Variants in HECW2 observed in about 807,000 individuals in gnomAD.
HECW2 encodes E3 ubiquitin-protein ligase HECW2.
HECW2 carries 61 observed loss-of-function variants against 175.2 expected under a neutral mutation model. The ratio of observed to expected loss-of-function variants is 0.35; its 90% CI spans 0.28 to 0.43. The LOEUF is 0.43. HECW2 is among the 20% of genes least tolerant of loss of function. HECW2 has a pLI of 1.00. For synonymous variants in HECW2, 671 were observed against 731.0 expected, an observed-to-expected ratio of 0.92 and a Z score of 1.32; for missense variants, 1,524 against 2,000.5, an observed-to-expected ratio of 0.76 and a Z score of 4.54.
chr2:196,517,949 G>T (rs1330668784), intron 1 of HECW2, among the ~76,000 whole-genome samples: 1 of 152,102 alleles, frequency 6.6e-6, no homozygotes, highest in Non-Finnish European at 1.5e-5. Context: ...AACCTCATGG[G>T]ATAATCCCTT....
chr2:196,540,637 G>T (rs1385330635), intron 1 of HECW2, among the ~76,000 whole-genome samples: 2 of 151,968 alleles, frequency 1.3e-5, no homozygotes, highest in Admixed American at 6.6e-5. Context: ...TAAAGACGGG[G>T]TCTCGCTATG....
intron 2 of HECW2, among the ~76,000 whole-genome samples, chr2:196,403,189 G>A (rs1694869664): frequency 6.6e-6 from 1 of 152,162 alleles, no homozygotes; most frequent in South Asian, 2.1e-4. Context: ...CATAGGCATA[G>A]AAAGAGCAAA....
intron 1 of HECW2, among the ~76,000 whole-genome samples, chr2:196,554,405 T>C (rs1207309909): frequency 6.6e-6 from 1 of 152,232 alleles, no homozygotes; most frequent in East Asian, 1.9e-4. Context: ...ATCGTATTGA[T>C]GTTTTCACAG....
chr2:196,406,087 C>G (rs951965076), intron 2 of HECW2, among the ~76,000 whole-genome samples: 3 of 152,162 alleles, frequency 2.0e-5, no homozygotes, highest in African/African-American at 7.2e-5. Flanking sequence ...GAACCCCTTC[C>G]TTTCTCTGTG....
chr2:196,201,452 GT>G (rs561575955), intron 28 of HECW2, 64 bp from the exon 29 acceptor site: 15,367 of 842,052 alleles, frequency 0.018, 17 homozygotes, highest in East Asian at 0.035. Context: ...TGTGTGTGGT[GT>G]GTGTGTGTGT....
At chr2:196,292,514 C>A in intron 14 of HECW2, 51 bp downstream of exon 14, 1 of 1,529,668 alleles carries the variant, frequency 6.5e-7, no homozygotes, top group Non-Finnish European at 9.0e-7. Context: ...GTCGAAGCCA[C>A]AAGCAGCCCA....
At chr2:196,257,199 A>T (rs1431526378) in intron 18 of HECW2, among the ~76,000 whole-genome samples, 1 of 152,014 alleles carries the variant, frequency 6.6e-6, no homozygotes, top group Non-Finnish European at 1.5e-5. Context: ...AAAATGAGAA[A>T]GTCTTTTGAA....
intron 13 of HECW2, among the ~76,000 whole-genome samples, chr2:196,301,504 A>G (rs1691051114): frequency 6.6e-6 from 1 of 152,034 alleles, no homozygotes; most frequent in Non-Finnish European, 1.5e-5. Flanking sequence ...AAAGTGCAGA[A>G]GCATTTCTTT....
intron 1 of HECW2, among the ~76,000 whole-genome samples, chr2:196,444,269 C>A (rs1008391804): frequency 7.9e-6 from 1 of 126,634 alleles, no homozygotes; most frequent in African/African-American, 2.7e-5. Context: ...TTTGTGGTGG[C>A]TGAAGCGCAT....
chr2:196,247,745 T>C (rs1006183593), intron 19 of HECW2, among the ~76,000 whole-genome samples: 3 of 152,142 alleles, frequency 2.0e-5, no homozygotes, highest in African/African-American at 4.8e-5. Flanking sequence ...ACACTAGAAA[T>C]AGCTTGGCAT....
At chr2:196,397,680 T>A (rs1694708848) in intron 2 of HECW2, among the ~76,000 whole-genome samples, 1 of 152,194 alleles carries the variant, frequency 6.6e-6, no homozygotes, top group Middle Eastern at 3.2e-3. Context: ...GGCCAAGGCA[T>A]GTTTTCCCGT....
At chr2:196,576,233 T>C (rs894050773) in intron 1 of HECW2, among the ~76,000 whole-genome samples, 1 of 152,150 alleles carries the variant, frequency 6.6e-6, no homozygotes, top group Non-Finnish European at 1.5e-5. Context: ...CCTAAGTGTG[T>C]AGTAGGCTAT....
Position 196,319,221 on chromosome 2 carries a change from G to T in HECW2, c.1669C>A (p.Gln557Lys), listed in dbSNP as rs1429572380. ...PEEGEGGPEP[Q>K]PSADQGSAEL... ...GCACTGCCCTGGTCAGCACTGGGTT[G>T]AGGCTCTGGGCCGCCTTCACCTTCC... Residue 557 changes from glutamine to lysine, a missense_variant, in exon 9 of 29, where the codon CAA becomes AAA. By Grantham distance (53) the Gln-to-Lys change is moderately conservative. Coordinates refer to ENST00000644978, the MANE Select transcript of HECW2 (RefSeq NM_001348768.2). The T allele has an allele frequency of 6.3e-7, 1 of 1,597,286 alleles. No homozygotes were observed. The highest frequency in any genetic ancestry group is 8.5e-7 in the Non-Finnish European group (1 of 1,172,098).
chr2:196,570,958 T>A (rs2125513924), intron 1 of HECW2, among the ~76,000 whole-genome samples: 1 of 152,320 alleles, frequency 6.6e-6, no homozygotes, highest in East Asian at 1.9e-4. Flanking sequence ...TTCCCTGATG[T>A]TCAAAGAACG....
At chr2:196,495,283 G>A (rs1432752180) in intron 1 of HECW2, among the ~76,000 whole-genome samples, 1 of 151,704 alleles carries the variant, frequency 6.6e-6, no homozygotes, top group Non-Finnish European at 1.5e-5. Context: ...CGCCAGGCTG[G>A]TCTCAATCTC....
intron 1 of HECW2, among the ~76,000 whole-genome samples, chr2:196,545,929 T>G (rs1434593907): frequency 6.6e-6 from 1 of 152,168 alleles, no homozygotes; most frequent in African/African-American, 2.4e-5. Flanking sequence ...AAAAAATCAC[T>G]TACAGTAGCA....
chr2:196,381,366 TA>T (rs1694202033), intron 2 of HECW2, among the ~76,000 whole-genome samples: 1 of 152,200 alleles, frequency 6.6e-6, no homozygotes, highest in Admixed American at 6.5e-5. Flanking sequence ...CTTCATTTCA[TA>T]ATGCTTTGGT....
intron 1 of HECW2, among the ~76,000 whole-genome samples, chr2:196,510,402 A>T (rs1338393642): frequency 2.0e-5 from 3 of 152,154 alleles, no homozygotes; most frequent in Non-Finnish European, 4.4e-5. Context: ...AGAATTTCAT[A>T]GTCTTACCAG....
intron 10 of HECW2, among the ~76,000 whole-genome samples, chr2:196,308,984 G>C (rs1161717652): frequency 6.6e-6 from 1 of 152,196 alleles, no homozygotes; most frequent in East Asian, 1.9e-4. Context: ...TTATATTTTT[G>C]TGTAAGTTAT....
Sources: allele counts gnomAD v4.1 joint callset (sites outside exome capture counted in the v4.1 genomes callset), GRCh38; gene constraint gnomAD v4.1.1; transcripts MANE v1.5; gene names NCBI Gene and HGNC (gene_info 2026-07-23, HGNC 2026-07-21).